SDHAF3: variants seen among roughly 807,000 people sequenced by gnomAD.
SDHAF3 encodes the protein succinate dehydrogenase assembly factor 3, mitochondrial.
A neutral mutation model predicts 11.5 loss-of-function variants in SDHAF3; 18 were observed. The observed-to-expected ratio is 1.56, with a 90% CI of 1.08 to 2.32. The LOEUF (loss-of-function observed/expected upper bound fraction) is 2.32. Among genes scored for constraint, SDHAF3 ranks in the 30% most tolerant of loss-of-function variants. The pLI, the probability that SDHAF3 is intolerant of heterozygous loss-of-function variation, is 0.00. For missense variants in SDHAF3, 200 were observed against 154.4 expected, an observed-to-expected ratio of 1.30 and a Z score of -1.57; for synonymous variants, 72 against 59.3, an observed-to-expected ratio of 1.21 and a Z score of -0.99.
intron 1 of SDHAF3, among the ~76,000 whole-genome samples, chr7:97,160,897 CATTA>C (rs2115716875): frequency 6.6e-6 from 1 of 151,928 alleles, no homozygotes; most frequent in East Asian, 1.9e-4. Flanking sequence ...TATAAACAAA[CATTA>C]ATTTCTACTT....
At chr7:97,161,274 T>A (rs1380582899) in intron 1 of SDHAF3, among the ~76,000 whole-genome samples, 1 of 152,176 alleles carries the variant, frequency 6.6e-6, no homozygotes, top group Non-Finnish European at 1.5e-5. Context: ...TATTTTCCTC[T>A]ATTAGTATTT....
intron 1 of SDHAF3, among the ~76,000 whole-genome samples, chr7:97,121,247 A>G (rs981448904): frequency 1.3e-5 from 2 of 152,202 alleles, no homozygotes; most frequent in Admixed American, 6.5e-5. Context: ...AAGGCTTTCT[A>G]TTTTTCTCTC....
intron 1 of SDHAF3, among the ~76,000 whole-genome samples, chr7:97,164,836 AATTTGCATC>A (rs1231207867): frequency 6.6e-6 from 1 of 152,154 alleles, no homozygotes; most frequent in Non-Finnish European, 1.5e-5. Context: ...TAATTTCCAT[AATTTGCATC>A]ATACTGAAGC....
At chr7:97,155,861 A>G (rs1432359031) in intron 1 of SDHAF3, among the ~76,000 whole-genome samples, 1 of 125,208 alleles carries the variant, frequency 8.0e-6, no homozygotes, top group Admixed American at 9.0e-5. Flanking sequence ...GAAGCATGAT[A>G]CATTACCTAG....
intron 1 of SDHAF3, among the ~76,000 whole-genome samples, chr7:97,178,623 G>T (rs757426987): frequency 2.0e-5 from 3 of 152,068 alleles, no homozygotes; most frequent in African/African-American, 7.2e-5. Flanking sequence ...AAATGATTTT[G>T]ACCATCTTTT....
chr7:97,134,396 G>A (rs1791715915), intron 1 of SDHAF3, among the ~76,000 whole-genome samples: 2 of 152,162 alleles, frequency 1.3e-5, no homozygotes, highest in Non-Finnish European at 2.9e-5. Context: ...GAAAAATGCT[G>A]TGACTATCAT....
chr7:97,168,496 A>C (rs11976587), intron 1 of SDHAF3, among the ~76,000 whole-genome samples: 28,173 of 152,168 alleles, frequency 0.19, 3,019 homozygotes, highest in Non-Finnish European at 0.25. Context: ...ATGAATAAGG[A>C]TACCTTGGAC....
chr7:97,130,267 G>C (rs916191652), intron 1 of SDHAF3, among the ~76,000 whole-genome samples: 1 of 119,842 alleles, frequency 8.3e-6, no homozygotes, highest in African/African-American at 3.4e-5. Context: ...GTGATACCCA[G>C]TCTAAAAAAA....
intron 1 of SDHAF3, among the ~76,000 whole-genome samples, chr7:97,119,413 A>C (rs184185093): frequency 7.2e-5 from 11 of 152,334 alleles, no homozygotes; most frequent in Admixed American, 5.9e-4. Context: ...CTGCATAAAT[A>C]AAAAATGTGT....
chr7:97,157,728 C>T (rs561280245), intron 1 of SDHAF3, among the ~76,000 whole-genome samples: 3 of 152,030 alleles, frequency 2.0e-5, no homozygotes. Context: ...AAATGTCCAA[C>T]AATGATAGAC....
intron 1 of SDHAF3, among the ~76,000 whole-genome samples, chr7:97,119,769 T>G (rs891054628): frequency 6.6e-5 from 10 of 152,188 alleles, no homozygotes; most frequent in Non-Finnish European, 1.3e-4. Context: ...CCTTGATACT[T>G]TTTTGAAAAG....
rs557363759 is a variant in SDHAF3, at chr7:97,137,361, A to T, written c.174+19464A>T. Among the ~76,000 whole-genome samples, 108 of 152,322 alleles carry T rather than the reference A, an allele frequency of 7.1e-4. No homozygotes were observed. The Middle Eastern group carries it at 0.01, about 14-fold the overall frequency. ...ATCAGGCCAGCTATATTTGTCCATG[A>T]CCTTAACAAGTTGAGAGTCAAGGAT... On this transcript the variant is annotated intron_variant, in intron 1 of 1. Transcript: ENST00000432641.
At chr7:97,179,231 T>C (rs1789733595) in intron 1 of SDHAF3, among the ~76,000 whole-genome samples, 1 of 152,358 alleles carries the variant, frequency 6.6e-6, no homozygotes, top group Admixed American at 6.5e-5. Flanking sequence ...TTTTGTTTAA[T>C]GTGGCTTTCT....
At chr7:97,132,850 G>C (rs1253975562) in intron 1 of SDHAF3, among the ~76,000 whole-genome samples, 1 of 152,044 alleles carries the variant, frequency 6.6e-6, no homozygotes, top group Non-Finnish European at 1.5e-5. Flanking sequence ...GATCATATAG[G>C]GTCTGGTAAT....
At chr7:97,160,436 C>T (rs990367867) in intron 1 of SDHAF3, among the ~76,000 whole-genome samples, 8 of 151,624 alleles carry the variant, frequency 5.3e-5, no homozygotes, top group South Asian at 4.2e-4. Context: ...GCCATGACGA[C>T]GATGGCGGTT....
chr7:97,127,897 GTTTTTTTTTT>G (rs920829054), intron 1 of SDHAF3, among the ~76,000 whole-genome samples: 5 of 106,262 alleles, frequency 4.7e-5, no homozygotes, highest in Non-Finnish European at 7.2e-5. Context: ...TCTACATCAA[GTTTTTTTTTT>G]TTTTTTTTTT....
At chr7:97,135,682 A>ATATTT (rs1491358723) in intron 1 of SDHAF3, 3 of 61,836 alleles carry the variant, frequency 4.9e-5, no homozygotes, top group Non-Finnish European at 8.4e-5. Flanking sequence ...ATATATATAT[A>ATATTT]TTTTTTTTTT....
At chr7:97,128,045 C>T (rs904438280) in intron 1 of SDHAF3, among the ~76,000 whole-genome samples, 4 of 151,676 alleles carry the variant, frequency 2.6e-5, no homozygotes, top group Non-Finnish European at 5.9e-5. Context: ...GGATTACAGG[C>T]GTCCACCACA....
chr7:97,160,281 G>A (rs548502617), intron 1 of SDHAF3, among the ~76,000 whole-genome samples: 21 of 143,206 alleles, frequency 1.5e-4, no homozygotes, highest in African/African-American at 4.2e-4. Context: ...AGTGAGGAGC[G>A]CCTCTGCCCG....
Sources: allele counts gnomAD v4.1 joint callset (sites outside exome capture counted in the v4.1 genomes callset), GRCh38; gene constraint gnomAD v4.1.1; transcripts MANE v1.5; gene names NCBI Gene and HGNC (gene_info 2026-07-23, HGNC 2026-07-21).